The following USP11 variants were observed in gnomAD, a reference collection of about 807,000 sequenced individuals.
The protein encoded by USP11 is ubiquitin specific peptidase 11, also known as ubiquitin carboxyl-terminal hydrolase 11.
A neutral mutation model predicts 72.8 loss-of-function variants in USP11; 5 were observed. That is an observed-to-expected ratio of 0.07 (90% CI 0.04 to 0.14). The LOEUF is 0.14. Ranked by LOEUF, USP11 falls within the 10% of genes least tolerant of loss-of-function variation. The pLI is 1.00. For synonymous variants in USP11, 368 were observed against 326.5 expected (o/e 1.13, Z -1.37); for missense variants, 480 against 794.7 (o/e 0.60, Z 4.76).
In USP11 at chrX:47,240,362, G is replaced by A. The variant is rs780096892; in HGVS notation, c.593G>A (p.Arg198Gln). ...RFLVEPQEDTRLWAKNSEGSL... is the reference protein window; with the variant it reads ...RFLVEPQEDTQLWAKNSEGSL... Reference sequence around the variant, plus strand: ...CTGGTGGAGCCCCAGGAAGACACTCGGCTTTGGGCCAAGAACTCAGAAGGC... The same window carrying A: ...CTGGTGGAGCCCCAGGAAGACACTCAGCTTTGGGCCAAGAACTCAGAAGGC... Residue 198 changes from arginine to glutamine, a missense_variant, in exon 5 of 21, where the codon CGG (arginine) becomes CAG (glutamine). Arg to Gln is a conservative substitution (Grantham distance 43). This residue lies in a region of USP11 where 80 missense variants were observed against 100.9 expected (regional missense o/e 0.79). Transcript: ENST00000377107. The A allele has an allele frequency of 1.4e-5, 17 of 1,209,973 alleles. No individual in the cohort carries two copies. Among genetic ancestry groups the A allele is most frequent in the Admixed American group, 4.4e-5 (2 of 45,789 alleles).
intron 17 of USP11, among the ~76,000 whole-genome samples, chrX:47,246,141 C>CT (rs750550646): frequency 8.9e-6 from 1 of 112,538 alleles, no homozygotes; most frequent in South Asian, 3.7e-4. Flanking sequence ...CCAAGCATTA[C>CT]TTTCTAGCTC....
chrX:47,247,755 C>G, intron 20 of USP11, 38 bp from the exon 21 acceptor site: 2 of 1,209,581 alleles, frequency 1.7e-6, no homozygotes, highest in Non-Finnish European at 2.2e-6. Flanking sequence ...ACCTCCCCAC[C>G]CCCACAATCC....
intron 17 of USP11, among the ~76,000 whole-genome samples, chrX:47,246,791 C>T (rs765089549): frequency 1.1e-4 from 12 of 110,817 alleles, no homozygotes; most frequent in Admixed American, 6.8e-4. Context: ...GAGGCCGACA[C>T]GGGTGGATCA....
intron 1 of USP11, among the ~76,000 whole-genome samples, chrX:47,237,569 T>A (rs1292426171): frequency 9.0e-6 from 1 of 110,971 alleles, no homozygotes; most frequent in Non-Finnish European, 1.9e-5. Flanking sequence ...GCTGAGATTG[T>A]GCCACTGCAC....
At position 47,245,302 on chromosome X, in the gene USP11, C is replaced by A. The variant is rs1378092977; in HGVS notation, c.2158-68C>A. Reference sequence around the variant, plus strand: ...CTCAGTGTGTGTCTCCCCCGCTGGGCCCCCACTCCCCATTTCTCCATCTGT... The same window carrying A: ...CTCAGTGTGTGTCTCCCCCGCTGGGACCCCACTCCCCATTTCTCCATCTGT... On this transcript the variant is annotated intron_variant, in intron 16 of 20. Transcript: ENST00000377107. The A allele has an allele frequency of 9.7e-6, 10 of 1,035,393 alleles. No homozygotes were observed. In the East Asian group the frequency reaches 1.6e-4, roughly 16 times the overall value. The allele number at this position is 1,035,393 out of a possible 1,213,427, so 85.3% of individuals were successfully genotyped here.
chrX:47,242,814 C>A, intron 12 of USP11, 94 bp downstream of exon 12: 1 of 699,246 alleles, frequency 1.4e-6, no homozygotes, highest in South Asian at 2.4e-5. Flanking sequence ...CTCTTCCCTG[C>A]CTCTGCCTCG....
chrX:47,242,604 C>T, intron 11 of USP11, 22 bp from the exon 12 acceptor site: 6 of 1,205,385 alleles, frequency 5.0e-6, no homozygotes, highest in Non-Finnish European at 5.6e-6. Flanking sequence ...CTAACAGTCC[C>T]CTCTCCATAT....
In USP11 at chrX:47,240,339, G is replaced by T. The variant is rs1257358533; in HGVS notation, c.570G>T (p.Leu190=). Residue 190 remains leucine (L), a synonymous_variant, in exon 5 of 21, where the codon CTG becomes CTT. Transcript: ENST00000377107. Reference sequence around the variant, plus strand: ...TGCGCACAGCTCGGGAGCGGTTTCTGGTGGAGCCCCAGGAAGACACTCGGC... The same window carrying T: ...TGCGCACAGCTCGGGAGCGGTTTCTTGTGGAGCCCCAGGAAGACACTCGGC... ...LVLRTARERF[L]VEPQEDTRLW... 4 of 1,209,930 alleles carry T rather than the reference G, an allele frequency of 3.3e-6. No individual in the cohort carries two copies. The highest frequency in any genetic ancestry group is 4.6e-4 in the Middle Eastern group (2 of 4,376).
chrX:47,241,153 C>G, intron 7 of USP11, 124 bp from the exon 8 acceptor site: 2 of 736,805 alleles, frequency 2.7e-6, no homozygotes, highest in Non-Finnish European at 3.9e-6. Flanking sequence ...CTGCTCCTCT[C>G]TCTCCTCCCT....
At chrX:47,238,378 C>T (rs763995892) in intron 1 of USP11, among the ~76,000 whole-genome samples, 4 of 108,137 alleles carry the variant, frequency 3.7e-5, no homozygotes, top group Admixed American at 3.0e-4. Flanking sequence ...TTAGTAGAGA[C>T]GGTTTCACCA....
Position 47,239,488 on chromosome X carries a change from T to C in USP11, c.417+7T>C. On this transcript the variant is annotated splice_region_variant and intron_variant, in intron 3 of 20. Coordinates refer to ENST00000377107, the MANE Select transcript of USP11 (RefSeq NM_001371072.1). ...GCCACCCATTGAACGCAAGGTATAATGGATGGGGAGGGTGCATGGCGGGGA... is the reference window on the plus strand; with the variant it reads ...GCCACCCATTGAACGCAAGGTATAACGGATGGGGAGGGTGCATGGCGGGGA... 8.3e-7 allele frequency: 1 copy of C among 1,210,834 alleles called. No individual in the cohort carries two copies. Among genetic ancestry groups the C allele is most frequent in the Non-Finnish European group, 1.1e-6 (1 of 895,351 alleles).
intron 17 of USP11, 102 bp from the exon 18 acceptor site, chrX:47,246,970 G>A (rs747571538): frequency 1.0e-4 from 105 of 1,037,199 alleles, no homozygotes; most frequent in African/African-American, 8.8e-4. Context: ...GCAGTGATCC[G>A]AGATCGCGCC....
At position 47,247,374 on chromosome X, in the gene USP11, C is replaced by A. The variant is rs959559374; in HGVS notation, c.2491C>A (p.Leu831Ile). The A allele has an allele frequency of 8.3e-7, 1 of 1,209,030 alleles. No homozygotes were observed. Among genetic ancestry groups the A allele is most frequent in the Non-Finnish European group, 1.1e-6 (1 of 895,012 alleles). Residue 831 changes from leucine (L) to isoleucine (I), a missense_variant, in exon 19 of 21, where the codon CTC becomes ATC. Coordinates refer to ENST00000377107, the MANE Select transcript of USP11 (RefSeq NM_001371072.1). ...GAATCCGGAGCTGTACAAATATGAC[C>A]TCATCGCGGTTTCCAACCATTATGG... ...ESNPELYKYD[L>I]IAVSNHYGGM...
At position 47,235,794 on chromosome X, in the gene USP11, C is replaced by T. The variant is rs982672439; in HGVS notation, c.176+2575C>T. Reference sequence around the variant, plus strand: ...GATTTTCCAAATCGGGAATACAAACCCAAGCCGTGTTTTTCTGCCATTACG... The same window carrying T: ...GATTTTCCAAATCGGGAATACAAACTCAAGCCGTGTTTTTCTGCCATTACG... On this transcript the variant is annotated intron_variant, in intron 1 of 20. Coordinates refer to ENST00000377107, the MANE Select transcript of USP11 (RefSeq NM_001371072.1). Among the ~76,000 whole-genome samples the T allele has an allele frequency of 1.8e-5, 2 of 111,061 alleles. 1 individual carries two copies. The highest frequency in any genetic ancestry group is 1.9e-4 in the Admixed American group (2 of 10,335).
chrX:47,246,554 T>C (rs2055433978), intron 17 of USP11, among the ~76,000 whole-genome samples: 1 of 111,183 alleles, frequency 9.0e-6, no homozygotes, highest in African/African-American at 3.3e-5. Flanking sequence ...ATACAAAAAA[T>C]AGTATGAGCA....
chrX:47,235,550 T>C (rs1302385230), intron 1 of USP11, among the ~76,000 whole-genome samples: 2 of 110,754 alleles, frequency 1.8e-5, no homozygotes, highest in African/African-American at 6.6e-5. Flanking sequence ...CAAGCCTTTA[T>C]GAAGCTGGTC....
intron 1 of USP11, among the ~76,000 whole-genome samples, chrX:47,236,665 C>G (rs1300713468): frequency 8.9e-6 from 1 of 112,312 alleles, no homozygotes; most frequent in Non-Finnish European, 1.9e-5. Context: ...TGTTTAGCAA[C>G]TTTTTTCCAT....
intron 13 of USP11, 132 bp downstream of exon 13, chrX:47,243,734 T>C (rs759894045): frequency 4.6e-4 from 304 of 657,752 alleles, no homozygotes; most frequent in Non-Finnish European, 6.1e-4. Flanking sequence ...ATAGAAGAAC[T>C]TGTAGGGTTT....
chrX:47,246,944 C>T, intron 17 of USP11, 128 bp from the exon 18 acceptor site: 2 of 895,834 alleles, frequency 2.2e-6, no homozygotes, highest in Non-Finnish European at 3.0e-6. Flanking sequence ...TCGCTTGAAC[C>T]CAGGAGGTGG....
Sources: allele counts gnomAD v4.1 joint callset (sites outside exome capture counted in the v4.1 genomes callset), GRCh38; gene constraint gnomAD v4.1.1; regional missense constraint gnomAD v4.1.1; transcripts MANE v1.5; gene names NCBI Gene and HGNC (gene_info 2026-07-23, HGNC 2026-07-21).